The following TMEM132B variants were observed in gnomAD, a reference collection of about 807,000 sequenced individuals.
The protein encoded by TMEM132B is transmembrane protein 132B.
In TMEM132B, 18 loss-of-function variants were observed where a neutral mutation model predicts 90.8. That is an observed-to-expected ratio of 0.20 (90% confidence interval 0.14 to 0.29). The LOEUF is 0.29. Among genes scored for constraint, TMEM132B ranks in the 10% least tolerant of loss-of-function variants. TMEM132B has a pLI of 1.00. For synonymous variants in TMEM132B, 504 were observed against 523.3 expected, an observed-to-expected ratio of 0.96 and a Z score of 0.50; for missense variants, 1,096 against 1,326.8, an observed-to-expected ratio of 0.83 and a Z score of 2.70.
rs1041677834 is a variant in TMEM132B, at chr12:125,408,885, TTC to T, written c.960-6640_960-6639del. 6.6e-6 allele frequency among the ~76,000 whole-genome samples: 1 copy of T among 152,212 alleles called. No individual in the cohort carries two copies. The highest frequency in any genetic ancestry group is 2.1e-4 in the South Asian group (1 of 4,824). On this transcript the variant is annotated intron_variant, in intron 2 of 8. Transcript: ENST00000682704. The surrounding 1 kb of genome is among the most constrained non-coding windows in gnomAD (Gnocchi z 5.9). The stretch of plus-strand genomic sequence containing the variant: ...CATGACCAGGCCACCATTTGCTTTT[TTC>T]TCTCTTTTCAGTTTAGCCATTCTGC...
intron 6 of TMEM132B, 83 bp from the exon 7 acceptor site, chr12:125,650,600 C>G (rs1886879895): frequency 6.7e-7 from 1 of 1,499,402 alleles, no homozygotes; most frequent in South Asian, 1.3e-5. Context: ...ATTCTGTGGG[C>G]TCACCTAGAA....
chr12:125,371,158 C>T (rs936956848), intron 2 of TMEM132B, among the ~76,000 whole-genome samples: 3 of 152,208 alleles, frequency 2.0e-5, no homozygotes, highest in Non-Finnish European at 2.9e-5. Context: ...CCAGAAGCCT[C>T]AGCAAGTCAG....
chr12:125,313,934 C>T lies in TMEM132B; in HGVS notation c.68-35518C>T, dbSNP rs556624597. Among the ~76,000 whole-genome samples, 7 of 151,846 alleles carry T rather than the reference C, an allele frequency of 4.6e-5. No individual in the cohort carries two copies. The East Asian group carries it at 1.2e-3, about 26-fold the overall frequency. ...TGTGTCGCCAAAGTGTCTGGCCAGC[C>T]GTCCTCTCTGTCAGGACATCTCTTT... On this transcript the variant is annotated intron_variant, in intron 1 of 8. Transcript: ENST00000682704.
chr12:125,260,922 T>TTGTGTGTGTGTGTGTGTGTGTGTG (rs60739492), intron 1 of TMEM132B, among the ~76,000 whole-genome samples: 4 of 148,152 alleles, frequency 2.7e-5, no homozygotes, highest in African/African-American at 1.0e-4. Flanking sequence ...TCTCTACAGA[T>TTGTGTGTGTGTGTGTGTGTGTGTG]TGTGTGTGTG....
chr12:125,461,479 C>T (rs1038625803), intron 3 of TMEM132B, among the ~76,000 whole-genome samples: 54 of 152,364 alleles, frequency 3.5e-4, no homozygotes, highest in African/African-American at 1.3e-3. Flanking sequence ...AGGAGATGCC[C>T]TCAGCTTCAG....
chr12:125,504,268 T>C (rs1008286644), intron 3 of TMEM132B, among the ~76,000 whole-genome samples: 10 of 152,238 alleles, frequency 6.6e-5, no homozygotes, highest in African/African-American at 2.2e-4. Context: ...GTCAAACTAC[T>C]TGTGGGCTTC....
intron 2 of TMEM132B, among the ~76,000 whole-genome samples, chr12:125,363,101 G>A (rs1593105499): frequency 6.6e-6 from 1 of 152,188 alleles, no homozygotes; most frequent in South Asian, 2.1e-4. Flanking sequence ...AGGCAGCAGG[G>A]TAGAGTGGCT....
intron 1 of TMEM132B, among the ~76,000 whole-genome samples, chr12:125,256,465 G>A (rs747417932): frequency 4.6e-5 from 7 of 152,170 alleles, no homozygotes; most frequent in East Asian, 3.9e-4. Context: ...GGTCAAATCC[G>A]GTCCCCAGCC....
chr12:125,600,233 G>T (rs1024465973), intron 5 of TMEM132B, among the ~76,000 whole-genome samples: 2 of 152,092 alleles, frequency 1.3e-5, no homozygotes, highest in Admixed American at 1.3e-4. Flanking sequence ...AATTAAGGGA[G>T]CCCAATAAGA....
chr12:125,468,336 G>T (rs903508505), intron 3 of TMEM132B, among the ~76,000 whole-genome samples: 10 of 152,230 alleles, frequency 6.6e-5, no homozygotes, highest in Admixed American at 1.3e-4. Context: ...GCTTAAGCCA[G>T]TTTGGCTGTA....
At chr12:125,319,844 G>A (rs571021401) in intron 1 of TMEM132B, among the ~76,000 whole-genome samples, 3 of 152,298 alleles carry the variant, frequency 2.0e-5, no homozygotes, top group East Asian at 3.9e-4. Context: ...GTGAGACCCT[G>A]TCTCTATAAA....
chr12:125,332,056 G>GT (rs1876793159), intron 1 of TMEM132B, among the ~76,000 whole-genome samples: 1 of 152,000 alleles, frequency 6.6e-6, no homozygotes, highest in African/African-American at 2.4e-5. Context: ...ATTTATTTAG[G>GT]TAATAATTAT....
chr12:125,430,847 A>G (rs1880478881), intron 3 of TMEM132B, among the ~76,000 whole-genome samples: 1 of 152,158 alleles, frequency 6.6e-6, no homozygotes, highest in Admixed American at 6.5e-5. Context: ...AGGCAGGTAA[A>G]TGGACAGAGT....
rs557628491 is a variant in TMEM132B at position 125,337,365 on chromosome 12, A to G, written c.68-12087A>G. ...GTGTGGGTGTTCACATTTGGCAGGC[A>G]GCTTTCCTCGCGTGGAGGTTCCAGG... On this transcript the variant is annotated intron_variant, in intron 1 of 8. Transcript: ENST00000682704. Among the ~76,000 whole-genome samples, 4 of 152,238 alleles carry G rather than the reference A, an allele frequency of 2.6e-5. No homozygotes were observed. In the South Asian group the frequency reaches 8.3e-4, roughly 32 times the overall value.
chr12:125,396,539 G>T (rs577603378), intron 2 of TMEM132B, among the ~76,000 whole-genome samples: 20 of 152,250 alleles, frequency 1.3e-4, no homozygotes, highest in Admixed American at 5.2e-4. Context: ...TTGAAATGGG[G>T]TCTTGCTCTG....
rs1204353321 is a variant in TMEM132B at position 125,481,819 on chromosome 12, AG to A, written c.1107-37619del. Among the ~76,000 whole-genome samples the A allele has an allele frequency of 5.9e-5, 9 of 152,314 alleles. No homozygotes were observed. In the South Asian group the frequency reaches 1.9e-3, roughly 32 times the overall value. Reference sequence around the variant, plus strand: ...AGACAATCCTAAGCCAAAAGAACAAAGCTGGAGGCATCGCACTACCTGACTT... The same window carrying A: ...AGACAATCCTAAGCCAAAAGAACAAACTGGAGGCATCGCACTACCTGACTT... On this transcript the variant is annotated intron_variant, in intron 3 of 8. Coordinates refer to ENST00000682704, the MANE Select transcript of TMEM132B (RefSeq NM_001366854.1).
At chr12:125,631,925 A>G (rs915602440) in intron 5 of TMEM132B, among the ~76,000 whole-genome samples, 2 of 151,966 alleles carry the variant, frequency 1.3e-5, no homozygotes, top group African/African-American at 4.8e-5. Flanking sequence ...GGGTCTTTTT[A>G]AAAAATCCAT....
At chr12:125,248,765 C>T (rs1874256947) in intron 1 of TMEM132B, among the ~76,000 whole-genome samples, 1 of 152,030 alleles carries the variant, frequency 6.6e-6, no homozygotes, top group African/African-American at 2.4e-5. Flanking sequence ...GGATGTCTGC[C>T]CAGTTGTAGT....
intron 3 of TMEM132B, among the ~76,000 whole-genome samples, chr12:125,465,141 T>C (rs1232586010): frequency 1.3e-5 from 2 of 152,238 alleles, no homozygotes; most frequent in Non-Finnish European, 2.9e-5. Context: ...CTAGCTCTGC[T>C]ACTAGGTAGC....
Sources: allele counts gnomAD v4.1 joint callset (sites outside exome capture counted in the v4.1 genomes callset), GRCh38; gene constraint gnomAD v4.1.1; non-coding constraint Gnocchi (gnomAD v3.1); transcripts MANE v1.5; gene names NCBI Gene and HGNC (gene_info 2026-07-23, HGNC 2026-07-21).